VAMP3: variants seen among roughly 807,000 people sequenced by gnomAD.
VAMP3 encodes vesicle associated membrane protein 3, also known as vesicle-associated membrane protein 3.
VAMP3 carries 11 observed loss-of-function variants against 18.1 expected under a neutral mutation model. The ratio of observed to expected loss-of-function variants is 0.61; its 90% CI spans 0.38 to 1.00. VAMP3 has a LOEUF of 1.00. Among genes scored for constraint, VAMP3 ranks in the 50% least tolerant of loss-of-function variants. The pLI, the probability that VAMP3 is intolerant of heterozygous loss-of-function variation, is 0.01. For synonymous variants in VAMP3, 49 were observed against 43.1 expected, an observed-to-expected ratio of 1.14 and a Z score of -0.53; for missense variants, 122 against 127.3, an observed-to-expected ratio of 0.96 and a Z score of 0.20.
At chr1:7,773,911 T>A (rs928455588) in intron 2 of VAMP3, among the ~76,000 whole-genome samples, 2 of 151,984 alleles carry the variant, frequency 1.3e-5, no homozygotes, top group Non-Finnish European at 2.9e-5. Context: ...AAATGCTTTG[T>A]CTTCTTACTA....
At position 7,775,371 on chromosome 1, in the gene VAMP3, G is replaced by A. The variant is rs141109469; in HGVS notation, c.73-1789G>A. 3.7e-4 allele frequency among the ~76,000 whole-genome samples: 56 copies of A among 150,240 alleles called. 1 individual carries two copies. Among genetic ancestry groups the A allele is most frequent in the East Asian group, 2.1e-3 (11 of 5,144 alleles). ...TATTTTTATTTATTTTTTTTGAGAC[G>A]GAGTTTTGCTCTGTTGCCGAGGCTG... On this transcript the variant is annotated intron_variant, in intron 2 of 4. Coordinates refer to ENST00000054666, the MANE Select transcript of VAMP3 (RefSeq NM_004781.4).
intron 4 of VAMP3, among the ~76,000 whole-genome samples, chr1:7,779,291 CACAA>C (rs1453072044): frequency 1.3e-5 from 2 of 152,040 alleles, no homozygotes; most frequent in Non-Finnish European, 2.9e-5. Flanking sequence ...TATATGTATA[CACAA>C]ACACACACAC....
At chr1:7,771,960 C>T (rs920812725) in intron 1 of VAMP3, among the ~76,000 whole-genome samples, 6 of 152,198 alleles carry the variant, frequency 3.9e-5, no homozygotes, top group African/African-American at 1.2e-4. Context: ...ACAAGGACTC[C>T]CTCTTCCACC....
chr1:7,781,243 T>TTA lies in VAMP3; in HGVS notation c.*1598_*1599insTA, dbSNP rs2097057026. On this transcript the variant is annotated 3_prime_UTR_variant, in exon 5 of 5. Transcript: ENST00000054666. ...GCAGCTGGCAGTGTTAGGACATTAG[T>TTA]CCACCTTCAGCGCAGGGTCTCTGGC... 1 of 152,768 alleles carries TTA rather than the reference T, an allele frequency of 6.5e-6. No homozygotes were observed. Among genetic ancestry groups the TTA allele is most frequent in the Non-Finnish European group, 1.5e-5 (1 of 68,048 alleles). The allele number at this position is 152,768 out of a possible 1,614,324, so 9.5% of individuals were successfully genotyped here. A position where few individuals can be genotyped will look rare whatever the true frequency, so the allele number is the denominator to read the frequency against.
intron 2 of VAMP3, among the ~76,000 whole-genome samples, chr1:7,774,597 C>T (rs976461178): frequency 1.3e-5 from 2 of 152,192 alleles, no homozygotes; most frequent in African/African-American, 4.8e-5. Context: ...TACCTCTAAT[C>T]AGCTCTCTCT....
chr1:7,771,534 C>T, intron 1 of VAMP3, 149 bp downstream of exon 1: 1 of 1,037,850 alleles, frequency 9.6e-7, no homozygotes. Flanking sequence ...TGGGCGGTGG[C>T]CCTTGGGTCG....
rs116416205 is a variant in VAMP3 at position 7,778,136 on chromosome 1, A to G, written c.250A>G (p.Thr84Ala). 79 of 1,614,182 alleles carry G rather than the reference A, an allele frequency of 4.9e-5. No homozygotes were observed. Among genetic ancestry groups the G allele is most frequent in the Non-Finnish European group, 6.5e-5 (77 of 1,180,032 alleles). Residue 84 changes from threonine (T) to alanine (A), a missense_variant, in exon 4 of 5, where the codon ACT becomes GCT. Coordinates refer to ENST00000054666, the MANE Select transcript of VAMP3 (RefSeq NM_004781.4). ...GTTACAGATGTGGGCAATCGGGATT[A>G]CTGTTCTGGTTATCTTCATCATCAT... ...KNCKMWAIGITVLVIFIIIII... is the reference protein window; with the variant it reads ...KNCKMWAIGIAVLVIFIIIII...
intron 4 of VAMP3, among the ~76,000 whole-genome samples, chr1:7,779,277 A>AATAT (rs1212579482): frequency 6.6e-6 from 1 of 152,140 alleles, no homozygotes; most frequent in Non-Finnish European, 1.5e-5. Flanking sequence ...CTATATAAAT[A>AATAT]ATATATATGT....
intron 4 of VAMP3, 84 bp downstream of exon 4, chr1:7,778,253 T>C: frequency 6.5e-7 from 1 of 1,541,448 alleles, no homozygotes; most frequent in Non-Finnish European, 9.0e-7. Flanking sequence ...GAACTCAGAT[T>C]AAAATTTCCC....
At chr1:7,771,671 C>A (rs2097051028) in intron 1 of VAMP3, among the ~76,000 whole-genome samples, 1 of 152,236 alleles carries the variant, frequency 6.6e-6, no homozygotes, top group Admixed American at 6.5e-5. Flanking sequence ...TCGCCCCTTC[C>A]CTTTCTAGTC....
At chr1:7,774,539 G>T (rs965396247) in intron 2 of VAMP3, among the ~76,000 whole-genome samples, 1 of 152,020 alleles carries the variant, frequency 6.6e-6, no homozygotes, top group Non-Finnish European at 1.5e-5. Flanking sequence ...AACACCTCAT[G>T]CCCATTTAGT....
chr1:7,779,896 C>T lies in VAMP3; in HGVS notation c.*251C>T, dbSNP rs1191791492. The T allele has an allele frequency of 3.9e-6, 2 of 512,920 alleles. No individual in the cohort carries two copies. The highest frequency in any genetic ancestry group is 6.9e-6 in the Non-Finnish European group (2 of 289,842). 31.8% of individuals were successfully genotyped at this position (512,920 alleles called of 1,614,324 possible). The stretch of plus-strand genomic sequence containing the variant: ...GCTGATGAAGAGGCCTTCTTAAGTT[C>T]CAGAGTGCTATAATCTAGATGTAAT... On this transcript the variant is annotated 3_prime_UTR_variant, in exon 5 of 5. Transcript: ENST00000054666.
In VAMP3 at chr1:7,771,296, G is replaced by T; in HGVS notation, c.-88G>T. The T allele has an allele frequency of 6.7e-7, 1 of 1,485,004 alleles. No individual in the cohort carries two copies. The allele number at this position is 1,485,004 out of a possible 1,614,324, so 92.0% of individuals were successfully genotyped here. On this transcript the variant is annotated 5_prime_UTR_variant, in exon 1 of 5. Transcript: ENST00000054666. ...TGACGTCTTTGCCCCGCGCCGCGCC[G>T]TCCCACCCATCTCCCTGGCCTCCGG...
At chr1:7,774,354 AT>A (rs33967310) in intron 2 of VAMP3, among the ~76,000 whole-genome samples, 76,817 of 144,200 alleles carry the variant, frequency 0.53, 20,632 homozygotes, top group Non-Finnish European at 0.59. Flanking sequence ...ATCAAATTGG[AT>A]TTTTTTTTTT....
At chr1:7,774,049 A>G (rs1367647199) in intron 2 of VAMP3, among the ~76,000 whole-genome samples, 2 of 152,244 alleles carry the variant, frequency 1.3e-5, no homozygotes, top group Non-Finnish European at 2.9e-5. Flanking sequence ...CTTGAGCTAG[A>G]GGACCTCCAT....
intron 2 of VAMP3, chr1:7,776,808 G>C (rs1218831553): frequency 8.0e-6 from 1 of 124,962 alleles, no homozygotes; most frequent in Admixed American, 9.9e-5. Flanking sequence ...TGAAGTCTCT[G>C]TGCCTCCATT....
At chr1:7,773,120 G>C (rs1209992807) in intron 1 of VAMP3, 1 of 275,418 alleles carries the variant, frequency 3.6e-6, no homozygotes, top group African/African-American at 2.2e-5. Context: ...CATTCAAGCA[G>C]ATGTGTGCCT....
intron 1 of VAMP3, chr1:7,772,642 A>G (rs2097051826): frequency 6.6e-6 from 1 of 152,044 alleles, no homozygotes; most frequent in South Asian, 2.1e-4. Context: ...TAATCCCAGC[A>G]CTTTGGGAGG....
chr1:7,771,873 C>G (rs2097051210), intron 1 of VAMP3, among the ~76,000 whole-genome samples: 1 of 152,234 alleles, frequency 6.6e-6, no homozygotes, highest in African/African-American at 2.4e-5. Flanking sequence ...CGTGGGCCTT[C>G]GCTCTCTTAA....
Sources: gnomAD v4.1 joint callset for allele counts (sites outside exome capture counted in the v4.1 genomes callset) on GRCh38, gnomAD v4.1.1 for gene constraint, MANE v1.5 for transcripts, NCBI Gene and HGNC (gene_info 2026-07-23, HGNC 2026-07-21) for gene names.